SMC1B: variants seen among roughly 807,000 people sequenced by gnomAD.
The protein encoded by SMC1B is structural maintenance of chromosomes protein 1B.
SMC1B carries 60 observed loss-of-function variants against 157.9 expected under a neutral mutation model. That is an observed-to-expected ratio of 0.38 (90% confidence interval 0.31 to 0.47). The LOEUF (loss-of-function observed/expected upper bound fraction) is 0.47, where lower values mean the gene tolerates loss of function less well. SMC1B is among the 20% of genes least tolerant of loss of function. The probability of loss-of-function intolerance (pLI) is 0.99; values close to 1 mark genes in which losing one functional copy is unlikely to be tolerated. For missense variants in SMC1B, 1,165 were observed against 1,426.2 expected (o/e 0.82, Z 2.95); for synonymous variants, 445 against 483.0 (o/e 0.92, Z 1.03).
At chr22:45,405,530 GA>G (rs934207457) in intron 4 of SMC1B, among the ~76,000 whole-genome samples, 97 of 144,380 alleles carry the variant, frequency 6.7e-4, no homozygotes, top group Middle Eastern at 7.0e-3. Flanking sequence ...CCAGCCTGGG[GA>G]AAAAAAAAAA....
intron 15 of SMC1B, among the ~76,000 whole-genome samples, chr22:45,365,599 G>C (rs535687448): frequency 3.5e-4 from 53 of 152,276 alleles, no homozygotes; most frequent in African/African-American, 1.3e-3. Context: ...CAGCTACTTG[G>C]GAGGCTGAGG....
intron 8 of SMC1B, 43 bp downstream of exon 8, chr22:45,394,642 A>C: frequency 6.8e-7 from 1 of 1,476,334 alleles, no homozygotes; most frequent in Non-Finnish European, 9.0e-7. Flanking sequence ...CTCTCAAAAA[A>C]TAAAAGAAAA....
intron 20 of SMC1B, 136 bp from the exon 21 acceptor site, chr22:45,354,268 A>G: frequency 1.7e-6 from 1 of 593,014 alleles, no homozygotes; most frequent in Non-Finnish European, 2.8e-6. Context: ...AAATACCTAA[A>G]CTATTATTAA....
chr22:45,409,290 G>A (rs1010957944), intron 1 of SMC1B, among the ~76,000 whole-genome samples: 1 of 152,120 alleles, frequency 6.6e-6, no homozygotes, highest in African/African-American at 2.4e-5. Flanking sequence ...AAGGCTGGAC[G>A]CGGTGGCTCA....
At chr22:45,389,573 C>T (rs1406004606) in intron 10 of SMC1B, 139 bp downstream of exon 10, 2 of 660,084 alleles carry the variant, frequency 3.0e-6, no homozygotes, top group Admixed American at 5.9e-5. Context: ...ATATTTAACA[C>T]CAGCCATTAA....
In SMC1B at chr22:45,370,059, A is replaced by G. The variant is rs572722714; in HGVS notation, c.2315T>C (p.Val772Ala). ...IKEFQEKIDK[V>A]EDDIFQHFCE... ...GAAGTGTTGGAAGATATCGTCTTCT[A>G]CCTTTTAAATTATTTTAAAACAATT... Residue 772 changes from valine to alanine, a missense_variant and splice_region_variant, in exon 15 of 25, where the codon GTA becomes GCA. Val to Ala is a moderately conservative substitution (Grantham distance 64, BLOSUM62 0). Coordinates refer to ENST00000357450, the MANE Select transcript of SMC1B (RefSeq NM_148674.5). 382 of 1,498,022 alleles carry G rather than the reference A, an allele frequency of 2.6e-4. 10 individuals are homozygous for G. The South Asian group carries it at 4.7e-3, about 18-fold the overall frequency. 92.8% of individuals were successfully genotyped at this position (1,498,022 alleles called of 1,614,324 possible).
chr22:45,359,677 C>T (rs1301489559), intron 18 of SMC1B, 128 bp downstream of exon 18: 3 of 1,008,566 alleles, frequency 3.0e-6, no homozygotes, highest in Non-Finnish European at 2.8e-6. Flanking sequence ...TCATTTTGCC[C>T]TTTTTCCCTC....
intron 19 of SMC1B, 41 bp downstream of exon 19, chr22:45,358,656 G>A (rs781629911): frequency 1.3e-5 from 15 of 1,180,208 alleles, no homozygotes; most frequent in East Asian, 7.2e-5. Flanking sequence ...TAAATATTCC[G>A]TATTACTGTG....
At chr22:45,369,380 G>A (rs1393343318) in intron 15 of SMC1B, among the ~76,000 whole-genome samples, 1 of 151,924 alleles carries the variant, frequency 6.6e-6, no homozygotes, top group Non-Finnish European at 1.5e-5. Flanking sequence ...ACAGGCATGA[G>A]CCACTGCACC....
At position 45,393,684 on chromosome 22, in the gene SMC1B, T is replaced by G; in HGVS notation, c.1495A>C (p.Lys499Gln). 1 of 1,614,152 alleles carries G rather than the reference T, an allele frequency of 6.2e-7. No individual in the cohort carries two copies. Among genetic ancestry groups the G allele is most frequent in the Non-Finnish European group, 8.5e-7 (1 of 1,180,012 alleles). Residue 499 changes from lysine to glutamine, a missense_variant, in exon 9 of 25, where the codon AAG becomes CAG. Lys to Gln is a moderately conservative substitution (Grantham distance 53). Transcript: ENST00000357450. ...IDTHEGKRQQ[K>Q]RAEVLEHLKR... Reference sequence around the variant, plus strand: ...AGGTGTTCCAGAACCTCTGCTCTCTTTTGCTGACGTTTTCCCTCATGGGTA... The same window carrying G: ...AGGTGTTCCAGAACCTCTGCTCTCTGTTGCTGACGTTTTCCCTCATGGGTA...
chr22:45,387,172 G>A, intron 10 of SMC1B, 126 bp from the exon 11 acceptor site: 3 of 806,228 alleles, frequency 3.7e-6, no homozygotes, highest in South Asian at 4.2e-5. Context: ...TACCCAGCCA[G>A]GCGTGATGCT....
intron 22 of SMC1B, among the ~76,000 whole-genome samples, chr22:45,350,853 A>G (rs1286611069): frequency 1.3e-5 from 2 of 152,120 alleles, no homozygotes; most frequent in Non-Finnish European, 2.9e-5. Context: ...ACCTTGGCCC[A>G]GTCACCATCG....
In SMC1B at chr22:45,354,361, G is replaced by GGTATGTATGTAT. The variant is rs376322847; in HGVS notation, c.3119-241_3119-230dup. ...AAATAATATTGACAAGTTCTGATAG[G>GGTATGTATGTAT]GTATGTATGTATGTATGTATGTAAG... On this transcript the variant is annotated intron_variant, in intron 20 of 24. Transcript: ENST00000357450. Among the ~76,000 whole-genome samples, 884 of 151,226 alleles carry GGTATGTATGTAT rather than the reference G, an allele frequency of 5.8e-3. 2 individuals are homozygous for GGTATGTATGTAT. Among genetic ancestry groups the GGTATGTATGTAT allele is most frequent in the Non-Finnish European group, 8.8e-3 (598 of 67,574 alleles).
At chr22:45,367,476 C>T (rs900986941) in intron 15 of SMC1B, among the ~76,000 whole-genome samples, 2 of 152,174 alleles carry the variant, frequency 1.3e-5, no homozygotes, top group Non-Finnish European at 2.9e-5. Flanking sequence ...CCTATGGAAC[C>T]TACCTCTGTG....
chr22:45,400,141 C>G (rs1354106162), intron 5 of SMC1B, among the ~76,000 whole-genome samples: 2 of 152,080 alleles, frequency 1.3e-5, no homozygotes, highest in African/African-American at 4.8e-5. Context: ...GCTGAGAAAG[C>G]CTAGAAGCAA....
intron 14 of SMC1B, among the ~76,000 whole-genome samples, chr22:45,370,820 G>A (rs1174992163): frequency 2.0e-5 from 3 of 152,164 alleles, no homozygotes; most frequent in Non-Finnish European, 4.4e-5. Context: ...TTAAATCCAT[G>A]GTAATGTGAA....
At chr22:45,360,477 G>A (rs984401922) in intron 17 of SMC1B, among the ~76,000 whole-genome samples, 2 of 152,112 alleles carry the variant, frequency 1.3e-5, no homozygotes, top group Non-Finnish European at 2.9e-5. Flanking sequence ...AAAGAAGAAA[G>A]TAAGAACTAT....
intron 17 of SMC1B, among the ~76,000 whole-genome samples, chr22:45,360,399 C>T (rs372564755): frequency 6.6e-6 from 1 of 150,946 alleles, no homozygotes; most frequent in Non-Finnish European, 1.5e-5. Flanking sequence ...TTTTACTAAT[C>T]GAAATGATGT....
intron 6 of SMC1B, among the ~76,000 whole-genome samples, chr22:45,397,140 T>C (rs574135561): frequency 4.7e-4 from 71 of 151,870 alleles, no homozygotes; most frequent in Non-Finnish European, 8.8e-4. Flanking sequence ...GAAAAAAATA[T>C]ATCATTTTCT....
Sources: gnomAD v4.1 joint callset for allele counts (sites outside exome capture counted in the v4.1 genomes callset) on GRCh38, gnomAD v4.1.1 for gene constraint, MANE v1.5 for transcripts, NCBI Gene and HGNC (gene_info 2026-07-23, HGNC 2026-07-21) for gene names.